Variants in TRIM67 observed in about 807,000 individuals in gnomAD.
TRIM67 encodes tripartite motif containing 67.
Under a neutral mutation model 71.0 loss-of-function variants are expected in TRIM67, and 39 were observed. The ratio of observed to expected loss-of-function variants is 0.55; its 90% CI spans 0.43 to 0.72. The LOEUF is 0.72. Among genes scored for constraint, TRIM67 ranks in the 30% least tolerant of loss-of-function variants. TRIM67 has a pLI of 0.00. For missense variants in TRIM67, 973 were observed against 1,079.2 expected (o/e 0.90, Z 1.38); for synonymous variants, 481 against 473.9 (o/e 1.01, Z -0.19).
At chr1:231,196,738 A>G (rs1683378030) in intron 1 of TRIM67, among the ~76,000 whole-genome samples, 1 of 152,214 alleles carries the variant, frequency 6.6e-6, no homozygotes, top group African/African-American at 2.4e-5. Flanking sequence ...ACTGATCCTC[A>G]TGCTTCAGAA....
intron 1 of TRIM67, among the ~76,000 whole-genome samples, chr1:231,197,013 G>C (rs957539752): frequency 3.9e-5 from 6 of 152,218 alleles, no homozygotes; most frequent in African/African-American, 1.4e-4. Context: ...ATACAGGCAT[G>C]TACTGATTAT....
chr1:231,186,443 G>A (rs1029494606), intron 1 of TRIM67, among the ~76,000 whole-genome samples: 2 of 152,174 alleles, frequency 1.3e-5, no homozygotes, highest in African/African-American at 4.8e-5. Flanking sequence ...TCACTGTTCT[G>A]GAAGCCAGAA....
Position 231,163,176 on chromosome 1 carries a change from C to G in TRIM67, c.207C>G (p.His69Gln), listed in dbSNP as rs1327712603. 2.7e-6 allele frequency: 4 copies of G among 1,496,366 alleles called. No homozygotes were observed. Among genetic ancestry groups the G allele is most frequent in the Non-Finnish European group, 3.6e-6 (4 of 1,122,696 alleles). 92.7% of individuals were successfully genotyped at this position (1,496,366 alleles called of 1,614,324 possible). ...AGAAAAASLEHDAAAGPACGG... is the reference protein window; with the variant it reads ...AGAAAAASLEQDAAAGPACGG... ...CCGCCGCCGCTGCCTCTCTGGAGCA[C>G]GACGCTGCGGCTGGCCCGGCCTGCG... The change falls in exon 1 of 10, where the codon CAC becomes CAG. Residue 69 changes from histidine (H) to glutamine (Q), a missense_variant. By Grantham distance (24) the His-to-Gln change is conservative. Coordinates refer to ENST00000366653, the MANE Select transcript of TRIM67 (RefSeq NM_001004342.5).
intron 6 of TRIM67, among the ~76,000 whole-genome samples, chr1:231,204,637 C>T (rs1022445078): frequency 6.6e-5 from 10 of 152,172 alleles, no homozygotes; most frequent in African/African-American, 2.4e-4. Context: ...GATTTCACTC[C>T]GTGACGTTCA....
intron 1 of TRIM67, among the ~76,000 whole-genome samples, chr1:231,195,825 C>G (rs570783765): frequency 2.6e-5 from 4 of 152,350 alleles, no homozygotes; most frequent in African/African-American, 4.8e-5. Context: ...GCTTCACCCA[C>G]GACCTCTGAT....
intron 6 of TRIM67, among the ~76,000 whole-genome samples, chr1:231,204,238 A>G (rs980354238): frequency 6.6e-6 from 1 of 152,166 alleles, no homozygotes; most frequent in Non-Finnish European, 1.5e-5. Flanking sequence ...AACTCAGAGA[A>G]GGTGTTTCCT....
At chr1:231,187,152 C>A (rs1480665267) in intron 1 of TRIM67, among the ~76,000 whole-genome samples, 1 of 152,124 alleles carries the variant, frequency 6.6e-6, no homozygotes, top group Non-Finnish European at 1.5e-5. Context: ...CCTGGGAAGA[C>A]AGCGTTTAAG....
intron 1 of TRIM67, among the ~76,000 whole-genome samples, chr1:231,183,899 A>T (rs775497591): frequency 1.7e-4 from 26 of 152,146 alleles, no homozygotes; most frequent in Non-Finnish European, 2.9e-4. Context: ...AAACCCAGGC[A>T]TTCTGGCTCC....
chr1:231,206,841 G>A, intron 7 of TRIM67, 51 bp downstream of exon 7: 1 of 1,518,488 alleles, frequency 6.6e-7, no homozygotes, highest in South Asian at 1.3e-5. Flanking sequence ...ATTTTATCCA[G>A]TGACAACCAG....
intron 1 of TRIM67, among the ~76,000 whole-genome samples, chr1:231,191,494 C>G (rs1050537698): frequency 1.4e-4 from 21 of 152,304 alleles, no homozygotes; most frequent in African/African-American, 4.8e-4. Flanking sequence ...GGGGCTTCCC[C>G]AGCTGTTGGC....
chr1:231,208,724 G>A lies in TRIM67; in HGVS notation c.1820-223G>A, dbSNP rs998473599. Among the ~76,000 whole-genome samples the A allele has an allele frequency of 3.3e-5, 5 of 152,286 alleles. No homozygotes were observed. In the East Asian group the frequency reaches 9.7e-4, roughly 29 times the overall value. On this transcript the variant is annotated intron_variant, in intron 7 of 9. Transcript: ENST00000366653. ...GCCTGAAAATCCTTGGCAAGGCCAG[G>A]CTCGTAGGGCTGGCAACTTGGATGA...
At chr1:231,187,173 A>G (rs190678079) in intron 1 of TRIM67, among the ~76,000 whole-genome samples, 1 of 152,292 alleles carries the variant, frequency 6.6e-6, no homozygotes, top group African/African-American at 2.4e-5. Flanking sequence ...AAGATGAAGG[A>G]AAATAGCCAC....
intron 1 of TRIM67, among the ~76,000 whole-genome samples, chr1:231,164,911 A>G (rs1162988277): frequency 6.6e-6 from 1 of 152,240 alleles, no homozygotes; most frequent in Non-Finnish European, 1.5e-5. Flanking sequence ...ATACGTTGTT[A>G]TTATAATTTA....
intron 1 of TRIM67, among the ~76,000 whole-genome samples, chr1:231,176,801 A>G (rs1334424595): frequency 2.0e-5 from 3 of 150,766 alleles, no homozygotes; most frequent in Non-Finnish European, 4.4e-5. Context: ...ATTAAACTTT[A>G]GCCTCATTTA....
intron 1 of TRIM67, among the ~76,000 whole-genome samples, chr1:231,179,352 A>G (rs888308442): frequency 6.6e-6 from 1 of 152,246 alleles, no homozygotes; most frequent in African/African-American, 2.4e-5. Context: ...ATTCTACTCC[A>G]GTGTGACCCC....
Position 231,208,939 on chromosome 1 carries a change from C to A in TRIM67, c.1820-8C>A, listed in dbSNP as rs375664315. The A allele has an allele frequency of 1.3e-6, 2 of 1,565,334 alleles. No individual in the cohort carries two copies. The highest frequency in any genetic ancestry group is 1.7e-6 in the Non-Finnish European group (2 of 1,148,774). On this transcript the variant is annotated splice_region_variant and splice_polypyrimidine_tract_variant and intron_variant, in intron 7 of 9. Coordinates refer to ENST00000366653, the MANE Select transcript of TRIM67 (RefSeq NM_001004342.5). ...TGACCCTGCTCCTCTCACCTCCTCCCTTTTTAGTGGCCTGGTTCACATTTG... is the reference window on the plus strand; with the variant it reads ...TGACCCTGCTCCTCTCACCTCCTCCATTTTTAGTGGCCTGGTTCACATTTG...
chr1:231,172,399 A>C (rs1305849232), intron 1 of TRIM67, among the ~76,000 whole-genome samples: 1 of 152,170 alleles, frequency 6.6e-6, no homozygotes, highest in African/African-American at 2.4e-5. Context: ...CGAATAAGGC[A>C]AGAGTTTGGG....
chr1:231,203,997 C>T lies in TRIM67; in HGVS notation c.1665C>T (p.Ala555=), dbSNP rs368294541. ...ACATCCTGGAGCTGGACGACGGTGC[C>T]GGGGGACAGTTCCGGGTGAGGCCTT... is the stretch of plus-strand genomic sequence containing the variant. ...DGYILELDDG[A]GGQFREVYVG... Residue 555 remains alanine, a synonymous_variant, in exon 6 of 10, where the codon GCC becomes GCT. Transcript: ENST00000366653. 41 of 1,613,800 alleles carry T rather than the reference C, an allele frequency of 2.5e-5. No homozygotes were observed. The highest frequency in any genetic ancestry group is 4.0e-5 in the African/African-American group (3 of 74,932).
In TRIM67 at chr1:231,209,240, C is replaced by G. The variant is rs761085352; in HGVS notation, c.2113C>G (p.His705Asp). 6.4e-7 allele frequency: 1 copy of G among 1,550,490 alleles called. No homozygotes were observed. Among genetic ancestry groups the G allele is most frequent in the Non-Finnish European group, 8.8e-7 (1 of 1,142,724 alleles). ...CAGCTGGTTCATGCACTGCAACTCC[C>G]ACACCAACAGGTGCGATTGGGCCCC... ...NRSWFMHCNSHTNRTEGGVCK... is the reference protein window; with the variant it reads ...NRSWFMHCNSDTNRTEGGVCK... Residue 705 changes from histidine to aspartate, a missense_variant, in exon 8 of 10, where the codon CAC becomes GAC. His to Asp is a moderately conservative substitution (Grantham distance 81). Transcript: ENST00000366653. This position sits in a 1 kb window ranked among gnomAD's most constrained non-coding sequence, Gnocchi z 4.1.
Sources: gnomAD v4.1 joint callset for allele counts (sites outside exome capture counted in the v4.1 genomes callset) on GRCh38, gnomAD v4.1.1 for gene constraint, Gnocchi (gnomAD v3.1) non-coding constraint, MANE v1.5 for transcripts, NCBI Gene and HGNC (gene_info 2026-07-23, HGNC 2026-07-21) for gene names.